Variants in CHN2 observed in about 807,000 individuals in gnomAD.
The protein encoded by CHN2 is beta-chimaerin.
A neutral mutation model predicts 56.3 loss-of-function variants in CHN2; 35 were observed. The ratio of observed to expected loss-of-function variants is 0.62; its 90% CI spans 0.47 to 0.82. The LOEUF (loss-of-function observed/expected upper bound fraction) is 0.82. CHN2 is among the 40% of genes least tolerant of loss of function. CHN2 has a pLI of 0.00. For missense variants in CHN2, 491 were observed against 580.5 expected, an observed-to-expected ratio of 0.85 and a Z score of 1.58; for synonymous variants, 210 against 212.8, an observed-to-expected ratio of 0.99 and a Z score of 0.12.
At chr7:29,411,993 T>C (rs1803261860) in intron 6 of CHN2, among the ~76,000 whole-genome samples, 1 of 152,200 alleles carries the variant, frequency 6.6e-6, no homozygotes, top group Non-Finnish European at 1.5e-5. Flanking sequence ...CCACCTCTGC[T>C]GTCCTTCATT....
chr7:29,394,726 T>C (rs901370006), intron 4 of CHN2, among the ~76,000 whole-genome samples: 1 of 152,258 alleles, frequency 6.6e-6, no homozygotes, highest in African/African-American at 2.4e-5. Flanking sequence ...TTATTTGTTT[T>C]TTCCTTGAAG....
In CHN2 at chr7:29,424,629, A is replaced by G. The variant is rs564040233; in HGVS notation, c.576+23801A>G. ...GACAGACATGTTTTGACTGGTTCGT[A>G]CATTGTTTTTAAAAATATTTTTAAT... is the stretch of plus-strand genomic sequence containing the variant. On this transcript the variant is annotated intron_variant, in intron 6 of 12. Transcript: ENST00000222792. 3.3e-5 allele frequency among the ~76,000 whole-genome samples: 5 copies of G among 152,314 alleles called. 1 individual carries two copies. The highest frequency in any genetic ancestry group is 1.2e-4 in the African/African-American group (5 of 41,564).
intron 6 of CHN2, among the ~76,000 whole-genome samples, chr7:29,466,227 A>G (rs371898420): frequency 2.4e-4 from 27 of 112,132 alleles, no homozygotes; most frequent in Non-Finnish European, 2.9e-4. Context: ...AGAGAGGAAG[A>G]GAGGAAGGAA....
chr7:29,358,950 C>T (rs1410790697), intron 2 of CHN2, among the ~76,000 whole-genome samples: 1 of 152,214 alleles, frequency 6.6e-6, no homozygotes, highest in Non-Finnish European at 1.5e-5. Context: ...CTTGGCTCCG[C>T]TTTCCTAGAT....
At chr7:29,175,766 A>T (rs1797239062) in intron 2 of CHN2, among the ~76,000 whole-genome samples, 1 of 152,224 alleles carries the variant, frequency 6.6e-6, no homozygotes, top group South Asian at 2.1e-4. Context: ...ACAAAACAAA[A>T]AAACAGTGAA....
At chr7:29,146,782 C>T (rs774411782) in intron 1 of CHN2, 2 of 1,548,976 alleles carry the variant, frequency 1.3e-6, no homozygotes, top group Admixed American at 2.0e-5. Context: ...GATTTTGTCT[C>T]CCAGTTTTTA....
intron 1 of CHN2, among the ~76,000 whole-genome samples, chr7:29,285,072 G>A (rs918631534): frequency 1.8e-4 from 28 of 152,146 alleles, no homozygotes; most frequent in Admixed American, 1.7e-3. Context: ...TGTGTGAGCC[G>A]CTTCTGTTCT....
At chr7:29,419,308 T>A (rs1342597514) in intron 6 of CHN2, among the ~76,000 whole-genome samples, 1 of 152,192 alleles carries the variant, frequency 6.6e-6, no homozygotes, top group Non-Finnish European at 1.5e-5. Context: ...ATTTGGACTC[T>A]TACTTTTCAC....
intron 1 of CHN2, among the ~76,000 whole-genome samples, chr7:29,201,155 C>T (rs1213313256): frequency 6.6e-6 from 1 of 152,168 alleles, no homozygotes; most frequent in East Asian, 1.9e-4. Context: ...TAGTTTTAAT[C>T]TCCTAAGAAA....
At chr7:29,293,094 G>A (rs1446032031) in intron 1 of CHN2, 9 of 442,540 alleles carry the variant, frequency 2.0e-5, no homozygotes, top group Non-Finnish European at 3.7e-5. Flanking sequence ...TCAGGAGAGA[G>A]TCTGGATTGG....
At chr7:29,340,652 A>T (rs1796976591) in intron 1 of CHN2, among the ~76,000 whole-genome samples, 1 of 152,180 alleles carries the variant, frequency 6.6e-6, no homozygotes, top group African/African-American at 2.4e-5. Context: ...CCAAGAGACA[A>T]ATTGCTCCCA....
intron 1 of CHN2, among the ~76,000 whole-genome samples, chr7:29,323,895 T>TCCCTCA (rs1312963908): frequency 2.6e-5 from 4 of 151,876 alleles, no homozygotes; most frequent in South Asian, 2.1e-4. Context: ...TCCCAGCTAC[T>TCCCTCA]GGGGAGGCTG....
intron 6 of CHN2, among the ~76,000 whole-genome samples, chr7:29,468,739 A>T (rs80321525): frequency 0.066 from 10,073 of 152,072 alleles, 739 homozygotes; most frequent in African/African-American, 0.19. Context: ...ATGATCACTT[A>T]CTTTCATATT....
chr7:29,381,412 G>C (rs995916502), intron 3 of CHN2, among the ~76,000 whole-genome samples: 1 of 152,172 alleles, frequency 6.6e-6, no homozygotes, highest in Non-Finnish European at 1.5e-5. Context: ...CAGATTTTGA[G>C]AGCCAACATA....
intron 1 of CHN2, among the ~76,000 whole-genome samples, chr7:29,304,942 C>T (rs1794025377): frequency 6.6e-6 from 1 of 152,206 alleles, no homozygotes; most frequent in Non-Finnish European, 1.5e-5. Flanking sequence ...GACTGAGTAT[C>T]TAGAAATTGT....
At chr7:29,345,874 T>C (rs1164954753) in intron 1 of CHN2, among the ~76,000 whole-genome samples, 1 of 152,106 alleles carries the variant, frequency 6.6e-6, no homozygotes, top group Non-Finnish European at 1.5e-5. Context: ...CTTACTTCCC[T>C]TGTCTTTGGG....
intron 2 of CHN2, 87 bp downstream of exon 2, chr7:29,354,750 A>G: frequency 8.4e-7 from 1 of 1,194,174 alleles, no homozygotes; most frequent in Non-Finnish European, 1.2e-6. Context: ...AGTGCACACA[A>G]GCGTTCCCAC....
chr7:29,355,772 A>ATTTTTTT, intron 2 of CHN2, among the ~76,000 whole-genome samples: 1 of 52,388 alleles, frequency 1.9e-5, no homozygotes, highest in Non-Finnish European at 3.4e-5. Context: ...AGATGGGACT[A>ATTTTTTT]TTTTTTTTTT....
chr7:29,337,166 A>G (rs1177726834), intron 1 of CHN2, among the ~76,000 whole-genome samples: 1 of 152,210 alleles, frequency 6.6e-6, no homozygotes, highest in African/African-American at 2.4e-5. Context: ...TGGAGAGAGG[A>G]GAACATGAAC....
Sources: gnomAD v4.1 joint callset for allele counts (sites outside exome capture counted in the v4.1 genomes callset) on GRCh38, gnomAD v4.1.1 for gene constraint, MANE v1.5 for transcripts, NCBI Gene and HGNC (gene_info 2026-07-23, HGNC 2026-07-21) for gene names.